C8orf89: variants seen among roughly 807,000 people sequenced by gnomAD.
C8orf89 encodes the protein chromosome 8 open reading frame 89.
C8orf89 carries 14 observed loss-of-function variants against 15.8 expected under a neutral mutation model. The observed-to-expected ratio is 0.89, with a 90% CI of 0.59 to 1.39. C8orf89 has a LOEUF of 1.39. C8orf89 is among the 40% of genes most tolerant of loss of function. The probability of loss-of-function intolerance (pLI) is 0.00; values close to 1 mark genes in which losing one functional copy is unlikely to be tolerated. For synonymous variants in C8orf89, 55 were observed against 62.2 expected (o/e 0.88, Z 0.54); for missense variants, 181 against 184.5 (o/e 0.98, Z 0.11).
At chr8:73,279,867 T>A in the C8orf89 span, among the ~76,000 whole-genome samples, 1 of 152,172 alleles carries the variant, frequency 6.6e-6, no homozygotes, top group East Asian at 1.9e-4. Flanking sequence ...ACAGCTGACA[T>A]CTACAGCTAA....
At chr8:73,280,434 G>A in the C8orf89 span, among the ~76,000 whole-genome samples, 11 of 152,198 alleles carry the variant, frequency 7.2e-5, no homozygotes, top group East Asian at 1.4e-3. Context: ...GCAGTGGCAC[G>A]ATCTCAGCTC....
At chr8:73,260,481 C>T (rs1813505054), upstream of C8orf89, among the ~76,000 whole-genome samples, 1 of 152,066 alleles carries the variant, frequency 6.6e-6, no homozygotes. Flanking sequence ...CACATGTATA[C>T]ATATGTAACA....
the C8orf89 span, chr8:73,278,068 T>C: frequency 2.3e-6 from 1 of 431,634 alleles, no homozygotes; most frequent in East Asian, 5.3e-5. Context: ...TCTCCAACTC[T>C]CAGCTCTGCT....
chr8:73,263,299 G>A (rs1813562043), upstream of C8orf89, among the ~76,000 whole-genome samples: 1 of 152,146 alleles, frequency 6.6e-6, no homozygotes, highest in Non-Finnish European at 1.5e-5. Flanking sequence ...GATCAGTTGA[G>A]GCCAGGAGTT....
chr8:73,263,393 T>A (rs1186343310), upstream of C8orf89, among the ~76,000 whole-genome samples: 1 of 152,058 alleles, frequency 6.6e-6, no homozygotes, highest in Admixed American at 6.5e-5. Flanking sequence ...TGCACACCTG[T>A]AATCCCAGCT....
chr8:73,262,255 C>G (rs1200353039), upstream of C8orf89, among the ~76,000 whole-genome samples: 1 of 152,138 alleles, frequency 6.6e-6, no homozygotes, highest in East Asian at 1.9e-4. Context: ...TTCAAAGCCC[C>G]TCTTCTAGGA....
rs1305902765 is a variant in C8orf89, at chr8:73,249,463, T to C, written c.337+805A>G. Among the ~76,000 whole-genome samples the C allele has an allele frequency of 3.3e-5, 5 of 152,156 alleles. No homozygotes were observed. The South Asian group carries it at 1.0e-3, about 32-fold the overall frequency. On this transcript the variant is annotated intron_variant, in intron 3 of 3. Transcript: ENST00000624510. ...TGAGTTACAGAGGAATACCTCATCC[T>C]CAAATTTTTAGATAGTTTCAGTGTG...
intron 3 of C8orf89, among the ~76,000 whole-genome samples, chr8:73,249,148 C>T (rs1813192284): frequency 6.6e-6 from 1 of 152,082 alleles, no homozygotes; most frequent in South Asian, 2.1e-4. Flanking sequence ...TGAATTTTAT[C>T]AAAAGTCTTT....
At chr8:73,260,891 G>T (rs148353788), upstream of C8orf89, among the ~76,000 whole-genome samples, 2 of 152,210 alleles carry the variant, frequency 1.3e-5, no homozygotes, top group Non-Finnish European at 2.9e-5. Flanking sequence ...GGGTGGACAC[G>T]ATCTAATCAG....
chr8:73,246,042 C>T (rs1300585730), intron 3 of C8orf89, among the ~76,000 whole-genome samples: 1 of 152,180 alleles, frequency 6.6e-6, no homozygotes, highest in East Asian at 1.9e-4. Flanking sequence ...GGCAATCTCA[C>T]TACACTTACC....
upstream of C8orf89, among the ~76,000 whole-genome samples, chr8:73,263,201 G>A (rs1459514329): frequency 6.6e-6 from 1 of 152,122 alleles, no homozygotes; most frequent in Admixed American, 6.5e-5. Flanking sequence ...CCCCAAATAT[G>A]GGTGTATTTA....
At chr8:73,269,145 G>C in the C8orf89 span, among the ~76,000 whole-genome samples, 1 of 152,260 alleles carries the variant, frequency 6.6e-6, no homozygotes, top group Middle Eastern at 3.4e-3. Context: ...GGTACAGTGA[G>C]AAAACTTTAG....
upstream of C8orf89, among the ~76,000 whole-genome samples, chr8:73,263,463 G>T (rs1346432600): frequency 6.6e-6 from 1 of 151,604 alleles, no homozygotes; most frequent in Non-Finnish European, 1.5e-5. Context: ...GCAGTGAGCC[G>T]AGATCACACA....
chr8:73,254,611 G>A (rs1306774093), intron 2 of C8orf89, among the ~76,000 whole-genome samples: 2 of 152,108 alleles, frequency 1.3e-5, no homozygotes, highest in Admixed American at 6.5e-5. Context: ...TCATTTGGGT[G>A]GCTGGGCTTG....
At chr8:73,255,553 A>C (rs953449452) in intron 2 of C8orf89, among the ~76,000 whole-genome samples, 1 of 151,914 alleles carries the variant, frequency 6.6e-6, no homozygotes, top group Non-Finnish European at 1.5e-5. Context: ...CAGTGTGGCG[A>C]TTCCTCAGGG....
the C8orf89 span, among the ~76,000 whole-genome samples, chr8:73,266,127 G>T: frequency 6.6e-6 from 1 of 152,176 alleles, no homozygotes; most frequent in African/African-American, 2.4e-5. Flanking sequence ...TTTAAAAAAT[G>T]ATTCTTACCT....
At chr8:73,274,935 A>C in the C8orf89 span, among the ~76,000 whole-genome samples, 11 of 152,192 alleles carry the variant, frequency 7.2e-5, no homozygotes, top group African/African-American at 2.7e-4. Flanking sequence ...TGAATATGTA[A>C]TTATCCATCC....
At chr8:73,264,624 G>A in the C8orf89 span, among the ~76,000 whole-genome samples, 3 of 152,120 alleles carry the variant, frequency 2.0e-5, no homozygotes, top group Non-Finnish European at 4.4e-5. Context: ...CTGAGTAGCT[G>A]GGATTACAGG....
intron 2 of C8orf89, among the ~76,000 whole-genome samples, chr8:73,254,001 G>A (rs1813308604): frequency 6.6e-6 from 1 of 152,028 alleles, no homozygotes; most frequent in South Asian, 2.1e-4. Flanking sequence ...GGGCATCCCT[G>A]TCTTGGGCCA....
Sources: gnomAD v4.1 joint callset for allele counts (sites outside exome capture counted in the v4.1 genomes callset) on GRCh38, gnomAD v4.1.1 for gene constraint, MANE v1.5 for transcripts, NCBI Gene and HGNC (gene_info 2026-07-23, HGNC 2026-07-21) for gene names.